The following DHX57 variants were observed in gnomAD, a reference collection of about 807,000 sequenced individuals.
The protein encoded by DHX57 is DExH-box helicase 57, also known as putative ATP-dependent RNA helicase DHX57.
In DHX57, 105 loss-of-function variants were observed where a neutral mutation model predicts 156.2. The ratio of observed to expected loss-of-function variants is 0.67; its 90% confidence interval spans 0.57 to 0.79. The LOEUF is 0.79. Among genes scored for constraint, DHX57 ranks in the 30% least tolerant of loss-of-function variants. The probability of loss-of-function intolerance (pLI) is 0.00; values close to 1 mark genes in which losing one functional copy is unlikely to be tolerated. For missense variants in DHX57, 1,847 were observed against 1,661.9 expected, an observed-to-expected ratio of 1.11 and a Z score of -1.94; for synonymous variants, 704 against 595.6, an observed-to-expected ratio of 1.18 and a Z score of -2.65.
At chr2:38,848,469 C>T in intron 9 of DHX57, 67 bp from the exon 10 acceptor site, 2 of 1,477,738 alleles carry the variant, frequency 1.4e-6, no homozygotes, top group Non-Finnish European at 1.8e-6. Flanking sequence ...GTAACTTTTA[C>T]TATATTTTGA....
At chr2:38,828,991 A>C (rs1671244125) in intron 13 of DHX57, among the ~76,000 whole-genome samples, 1 of 152,112 alleles carries the variant, frequency 6.6e-6, no homozygotes, top group Admixed American at 6.6e-5. Flanking sequence ...CCCAGGCTGA[A>C]GTGCAGTTGC....
chr2:38,811,306 G>A (rs1003314487), intron 21 of DHX57: 12 of 525,552 alleles, frequency 2.3e-5, no homozygotes, highest in East Asian at 9.2e-5. Flanking sequence ...AGACCTGATC[G>A]TTCCCCTTTC....
At chr2:38,827,673 C>T (rs1436901830) in intron 14 of DHX57, among the ~76,000 whole-genome samples, 1 of 150,894 alleles carries the variant, frequency 6.6e-6, no homozygotes, top group African/African-American at 2.4e-5. Flanking sequence ...AATAGTTTTC[C>T]CCTTAAAAAT....
chr2:38,872,000 G>A (rs750388813), intron 1 of DHX57, among the ~76,000 whole-genome samples: 5 of 152,052 alleles, frequency 3.3e-5, no homozygotes, highest in African/African-American at 7.2e-5. Flanking sequence ...GAGCCACCGC[G>A]CCCGGCCTAA....
intron 13 of DHX57, among the ~76,000 whole-genome samples, chr2:38,831,541 A>T (rs573538753): frequency 6.6e-6 from 1 of 152,134 alleles, no homozygotes; most frequent in Admixed American, 6.6e-5. Flanking sequence ...TTTTTTCAGT[A>T]ATAGTCTTCT....
At chr2:38,807,462 A>G (rs1176522981) in intron 21 of DHX57, among the ~76,000 whole-genome samples, 1 of 151,806 alleles carries the variant, frequency 6.6e-6, no homozygotes, top group Non-Finnish European at 1.5e-5. Flanking sequence ...GGTTCACGCC[A>G]TTCTCCTGCC....
At chr2:38,802,342 C>T (rs1458731999) in intron 23 of DHX57, among the ~76,000 whole-genome samples, 1 of 150,542 alleles carries the variant, frequency 6.6e-6, no homozygotes. Context: ...GGCTGGAGTG[C>T]AATGGCACGA....
chr2:38,872,717 C>G (rs560169914), intron 1 of DHX57, among the ~76,000 whole-genome samples: 134 of 152,104 alleles, frequency 8.8e-4, no homozygotes, highest in South Asian at 2.1e-3. Context: ...AATAAGGCAC[C>G]AAAATACACA....
chr2:38,834,127 C>A (rs146364000), intron 13 of DHX57, among the ~76,000 whole-genome samples: 1 of 151,556 alleles, frequency 6.6e-6, no homozygotes, highest in Admixed American at 6.6e-5. Context: ...GTTGGGAGTT[C>A]GAGACCAGCC....
At chr2:38,812,081 C>A (rs927800352) in intron 21 of DHX57, among the ~76,000 whole-genome samples, 1 of 152,004 alleles carries the variant, frequency 6.6e-6, no homozygotes, top group Non-Finnish European at 1.5e-5. Flanking sequence ...TTTAAATAAT[C>A]TTTTTATTTT....
In DHX57 at chr2:38,826,010, T is replaced by G. The variant is rs750054518; in HGVS notation, c.2851A>C (p.Thr951Pro). ...ASKGMESLED[T>P]FVSQANALQR... ...AGAGCATTAGCTTGAGATACAAAGG[T>G]GTCCTCTAGACTTTCCATCCCTTTG... Residue 951 changes from threonine (T) to proline (P), a missense_variant, in exon 16 of 24, where the codon ACC becomes CCC. Thr to Pro is a conservative substitution (Grantham distance 38). Transcript: ENST00000457308. 8.7e-6 allele frequency: 14 copies of G among 1,614,062 alleles called. No homozygotes were observed. The highest frequency in any genetic ancestry group is 1.2e-5 in the Non-Finnish European group (14 of 1,180,024).
chr2:38,862,109 T>A, intron 4 of DHX57, 36 bp downstream of exon 4: 1 of 1,546,680 alleles, frequency 6.5e-7, no homozygotes, highest in East Asian at 2.3e-5. Context: ...TTCCTTGAAT[T>A]CTTTCCCAAC....
chr2:38,853,970 C>T, intron 9 of DHX57, 84 bp downstream of exon 9: 2 of 1,364,096 alleles, frequency 1.5e-6, no homozygotes, highest in East Asian at 4.9e-5. Flanking sequence ...CTGCATGAAA[C>T]TGAATTGGAA....
rs530199469 is a variant in DHX57, at chr2:38,833,150, A to AT, written c.2542+4680dup. 6.6e-4 allele frequency among the ~76,000 whole-genome samples: 99 copies of AT among 149,698 alleles called. 1 individual carries two copies. In the Middle Eastern group the frequency reaches 0.01, roughly 16 times the overall value. On this transcript the variant is annotated intron_variant, in intron 13 of 23. Transcript: ENST00000457308. The stretch of plus-strand genomic sequence containing the variant: ...TGCTACAATGAAAATGAATTCTTTT[A>AT]TTTTTTTTTGAGGTGGAGTCTTGCT...
intron 1 of DHX57, among the ~76,000 whole-genome samples, chr2:38,869,854 GA>G (rs1280415930): frequency 6.6e-6 from 1 of 152,174 alleles, no homozygotes; most frequent in African/African-American, 2.4e-5. Context: ...AACTGCCTAT[GA>G]GTGAGAACAG....
At chr2:38,856,249 A>ATAAAATC (rs1350805871) in intron 7 of DHX57, 91 bp downstream of exon 7, 47 of 1,504,618 alleles carry the variant, frequency 3.1e-5, no homozygotes, top group Non-Finnish European at 4.0e-5. Flanking sequence ...AAATCCAGCT[A>ATAAAATC]CAGTTTTTAA....
At chr2:38,810,930 C>A in intron 21 of DHX57, 1 of 828,706 alleles carries the variant, frequency 1.2e-6, no homozygotes, top group Non-Finnish European at 2.0e-6. Flanking sequence ...ACATGAAGAG[C>A]ACCAAGGAGG....
At chr2:38,842,948 G>A (rs1466575791) in intron 12 of DHX57, 57 bp downstream of exon 12, 2 of 1,560,324 alleles carry the variant, frequency 1.3e-6, no homozygotes, top group Admixed American at 3.4e-5. Context: ...ATCTTGGTAA[G>A]AAAGAATACT....
chr2:38,850,306 A>G (rs534603731), intron 9 of DHX57, among the ~76,000 whole-genome samples: 1 of 152,066 alleles, frequency 6.6e-6, no homozygotes, highest in South Asian at 2.1e-4. Flanking sequence ...TTTTTGAGAC[A>G]AGGTTTCGCT....
Sources: allele counts gnomAD v4.1 joint callset (sites outside exome capture counted in the v4.1 genomes callset), GRCh38; gene constraint gnomAD v4.1.1; transcripts MANE v1.5; gene names NCBI Gene and HGNC (gene_info 2026-07-23, HGNC 2026-07-21).